Variants in NRXN3 observed in about 807,000 individuals in gnomAD.
NRXN3 encodes neurexin 3.
NRXN3 carries 32 observed loss-of-function variants against 137.6 expected under a neutral mutation model. The ratio of observed to expected loss-of-function variants is 0.23; its 90% CI spans 0.18 to 0.31. The LOEUF is 0.31. Among genes scored for constraint, NRXN3 ranks in the 10% least tolerant of loss-of-function variants. The pLI, the probability that NRXN3 is intolerant of heterozygous loss-of-function variation, is 1.00. For synonymous variants in NRXN3, 798 were observed against 784.5 expected (o/e 1.02, Z -0.29); for missense variants, 1,574 against 2,062.5 (o/e 0.76, Z 4.59).
intron 15 of NRXN3, among the ~76,000 whole-genome samples, chr14:79,266,882 C>T (rs956098363): frequency 4.6e-5 from 7 of 152,148 alleles, no homozygotes; most frequent in African/African-American, 1.7e-4. Flanking sequence ...CCCCAGGTTG[C>T]AATTCCCGTT....
At chr14:78,220,661 C>T (rs1206684872) in intron 1 of NRXN3, among the ~76,000 whole-genome samples, 1 of 151,902 alleles carries the variant, frequency 6.6e-6, no homozygotes, top group African/African-American at 2.4e-5. Flanking sequence ...CTGCTGGGGG[C>T]AGGGGGTGAG....
chr14:79,051,299 A>G (rs2099641562), intron 15 of NRXN3, among the ~76,000 whole-genome samples: 2 of 152,180 alleles, frequency 1.3e-5, no homozygotes, highest in South Asian at 4.1e-4. Context: ...TAAATGGACA[A>G]TTGTCACTGT....
At chr14:78,556,169 T>C (rs1012143980) in intron 4 of NRXN3, among the ~76,000 whole-genome samples, 1 of 152,218 alleles carries the variant, frequency 6.6e-6, no homozygotes, top group Non-Finnish European at 1.5e-5. Context: ...TTTCCATTGG[T>C]TCTCCTTATT....
chr14:79,638,559 T>G (rs2098417290), intron 16 of NRXN3, among the ~76,000 whole-genome samples: 1 of 152,222 alleles, frequency 6.6e-6, no homozygotes, highest in African/African-American at 2.4e-5. Flanking sequence ...ATATAGAAAT[T>G]TGTAATGATT....
chr14:78,747,201 G>T (rs1181318479), intron 8 of NRXN3, among the ~76,000 whole-genome samples: 1 of 152,130 alleles, frequency 6.6e-6, no homozygotes, highest in African/African-American at 2.4e-5. Flanking sequence ...CGTGAACTTC[G>T]GGACTAAGAC....
intron 15 of NRXN3, among the ~76,000 whole-genome samples, chr14:79,199,098 C>T (rs1223402635): frequency 1.3e-5 from 2 of 151,920 alleles, no homozygotes; most frequent in Non-Finnish European, 2.9e-5. Context: ...ACCCTGGAGG[C>T]AGAGGTTGCG....
intron 4 of NRXN3, among the ~76,000 whole-genome samples, chr14:78,399,632 A>G (rs2091858884): frequency 6.6e-6 from 1 of 152,044 alleles, no homozygotes; most frequent in Non-Finnish European, 1.5e-5. Context: ...ACCCTTCCAT[A>G]CTCAATGTCT....
chr14:78,337,989 A>G (rs1597476512), intron 4 of NRXN3, among the ~76,000 whole-genome samples: 1 of 152,056 alleles, frequency 6.6e-6, no homozygotes, highest in Non-Finnish European at 1.5e-5. Flanking sequence ...GGTGGGCTGG[A>G]GGTACATGGA....
At chr14:78,367,841 C>T (rs1324099866) in intron 4 of NRXN3, among the ~76,000 whole-genome samples, 2 of 152,150 alleles carry the variant, frequency 1.3e-5, no homozygotes, top group Non-Finnish European at 2.9e-5. Flanking sequence ...CTGGATAATG[C>T]AAATTGATAA....
chr14:78,187,579 A>T (rs4899701), intron 1 of NRXN3, among the ~76,000 whole-genome samples: 34,835 of 152,006 alleles, frequency 0.23, 4,946 homozygotes, highest in African/African-American at 0.39. Flanking sequence ...TGGTTCTGGT[A>T]TATAGGAGCT....
chr14:79,081,933 A>G (rs942320317), intron 15 of NRXN3, among the ~76,000 whole-genome samples: 5 of 152,118 alleles, frequency 3.3e-5, no homozygotes, highest in African/African-American at 9.7e-5. Context: ...TGAGGACAAA[A>G]CAGTCTCCCT....
At chr14:78,685,663 A>C (rs1602413836) in intron 6 of NRXN3, among the ~76,000 whole-genome samples, 13 of 120,822 alleles carry the variant, frequency 1.1e-4, no homozygotes, top group East Asian at 2.4e-4. Context: ...ATGGAGCTTC[A>C]CTCTTGTTGC....
At chr14:78,990,796 T>C (rs1056103623) in intron 15 of NRXN3, among the ~76,000 whole-genome samples, 1 of 152,202 alleles carries the variant, frequency 6.6e-6, no homozygotes, top group African/African-American at 2.4e-5. Context: ...ACATTGGACG[T>C]TTCTGTTTCC....
intron 15 of NRXN3, among the ~76,000 whole-genome samples, chr14:79,297,063 T>C (rs201188845): frequency 1.6e-4 from 24 of 152,138 alleles, no homozygotes; most frequent in African/African-American, 3.9e-4. Context: ...ACTTCTTCCT[T>C]TGATGGTCAC....
chr14:78,859,501 A>G (rs555291506), intron 10 of NRXN3, among the ~76,000 whole-genome samples: 5 of 152,216 alleles, frequency 3.3e-5, no homozygotes, highest in Admixed American at 2.0e-4. Flanking sequence ...TATAAGTTCC[A>G]TGTGGTTGAG....
At chr14:79,483,889 T>C (rs950236242) in intron 16 of NRXN3, among the ~76,000 whole-genome samples, 1 of 152,172 alleles carries the variant, frequency 6.6e-6, no homozygotes, top group Admixed American at 6.5e-5. Context: ...ATTTGGACAT[T>C]GAATTGCTAA....
chr14:79,575,589 A>T (rs1307687010), intron 16 of NRXN3, among the ~76,000 whole-genome samples: 1 of 152,142 alleles, frequency 6.6e-6, no homozygotes, highest in Non-Finnish European at 1.5e-5. Context: ...TATCATTGGG[A>T]CTCAACTTTT....
At chr14:79,280,260 C>A (rs1204173698) in intron 15 of NRXN3, 1 of 1,611,928 alleles carries the variant, frequency 6.2e-7, no homozygotes, top group Non-Finnish European at 8.5e-7. Context: ...GGAATTCAAA[C>A]TGCCCATCTG....
intron 16 of NRXN3, among the ~76,000 whole-genome samples, chr14:79,569,851 C>A (rs564766223): frequency 1.3e-5 from 2 of 152,028 alleles, no homozygotes; most frequent in Non-Finnish European, 2.9e-5. Flanking sequence ...TCAAGTGATC[C>A]GCCCACCTCA....
Sources: allele counts gnomAD v4.1 joint callset (sites outside exome capture counted in the v4.1 genomes callset), GRCh38; gene constraint gnomAD v4.1.1; transcripts MANE v1.5; gene names NCBI Gene and HGNC (gene_info 2026-07-23, HGNC 2026-07-21).